The following TIMP3 variants were observed in gnomAD, a reference collection of about 807,000 sequenced individuals.
TIMP3 encodes the protein TIMP metallopeptidase inhibitor 3, also known as metalloproteinase inhibitor 3.
In TIMP3, 11 loss-of-function variants were observed where a neutral mutation model predicts 30.0. The ratio of observed to expected loss-of-function variants is 0.37; its 90% CI spans 0.23 to 0.61. TIMP3 has a LOEUF of 0.61. Ranked by LOEUF, TIMP3 falls within the 20% of genes least tolerant of loss-of-function variation. The pLI is 0.70. For missense variants in TIMP3, 181 were observed against 276.8 expected, an observed-to-expected ratio of 0.65 and a Z score of 2.45; for synonymous variants, 112 against 111.3, an observed-to-expected ratio of 1.01 and a Z score of -0.04.
At position 32,801,927 on chromosome 22, in the gene TIMP3, G is replaced by A. The variant is rs1459113400; in HGVS notation, c.-75G>A. Reference sequence around the variant, plus strand: ...GGCGGGCGAGCGAGCTCGGGCTGCAGCAGCCCCGCCGGCGGCGCGCACGGC... The same window carrying A: ...GGCGGGCGAGCGAGCTCGGGCTGCAACAGCCCCGCCGGCGGCGCGCACGGC... On this transcript the variant is annotated 5_prime_UTR_variant, in exon 1 of 5. Transcript: ENST00000266085. The surrounding 1 kb of genome is among the most constrained non-coding windows in gnomAD (Gnocchi z 4.7). 8 of 1,503,316 alleles carry A rather than the reference G, an allele frequency of 5.3e-6. No homozygotes were observed. The highest frequency in any genetic ancestry group is 1.4e-5 in the African/African-American group (1 of 69,428). The allele number at this position is 1,503,316 out of a possible 1,614,324, so 93.1% of individuals were successfully genotyped here. A position where few individuals can be genotyped will look rare whatever the true frequency, so the allele number is the denominator to read the frequency against.
chr22:32,858,768 C>A (rs907688934), intron 4 of TIMP3, among the ~76,000 whole-genome samples: 38 of 152,124 alleles, frequency 2.5e-4, no homozygotes, highest in African/African-American at 8.7e-4. Flanking sequence ...TCCCACAGTT[C>A]ACTGAATCTG....
chr22:32,848,434 A>T (rs5754312), intron 1 of TIMP3, among the ~76,000 whole-genome samples: 78,584 of 152,000 alleles, frequency 0.52, 21,353 homozygotes, highest in African/African-American at 0.69. Flanking sequence ...TTGGTCTGTT[A>T]CCTTATCTAG....
intron 4 of TIMP3, among the ~76,000 whole-genome samples, chr22:32,858,562 A>G (rs1013870317): frequency 2.0e-5 from 3 of 152,190 alleles, no homozygotes; most frequent in East Asian, 1.9e-4. Context: ...TGCAGAGACC[A>G]GATGCTACAG....
rs367652593 is a variant in TIMP3 at position 32,859,431 on chromosome 22, G to T, written c.*54G>T. On this transcript the variant is annotated 3_prime_UTR_variant, in exon 5 of 5. Transcript: ENST00000266085. ...CTCCCTTCCCGCTGAGCTTCCCTTG[G>T]ACACTAACTCTTCCCAGATGATGAC... 1.9e-5 allele frequency: 30 copies of T among 1,565,844 alleles called. No individual in the cohort carries two copies. Among genetic ancestry groups the T allele is most frequent in the East Asian group, 4.6e-5 (2 of 43,260 alleles).
chr22:32,846,885 C>A (rs915052500), intron 1 of TIMP3, among the ~76,000 whole-genome samples: 1 of 152,146 alleles, frequency 6.6e-6, no homozygotes, highest in African/African-American at 2.4e-5. Context: ...ACTGAACTAT[C>A]CTCAGATGAA....
chr22:32,820,243 T>A (rs2047199346), intron 1 of TIMP3, among the ~76,000 whole-genome samples: 1 of 57,734 alleles, frequency 1.7e-5, no homozygotes, highest in Admixed American at 1.3e-4. Context: ...CTTTCTCCCC[T>A]GTGTGTGTGT....
intron 1 of TIMP3, among the ~76,000 whole-genome samples, chr22:32,808,082 G>C (rs1322574020): frequency 1.3e-5 from 2 of 152,218 alleles, no homozygotes; most frequent in Non-Finnish European, 2.9e-5. Context: ...TGCCAGGAAA[G>C]CTGTGACCCT....
At chr22:32,820,479 AGCCGTAACTCCCCGGCACCTGGCTGGTT>A (rs1476163548) in intron 1 of TIMP3, among the ~76,000 whole-genome samples, 17 of 152,164 alleles carry the variant, frequency 1.1e-4, no homozygotes, top group African/African-American at 4.1e-4. Flanking sequence ...TGCACCTGAA[AGCCGTAACTCCCCGGCACCTGGCTGGTT>A]GACTTCTTCC....
At chr22:32,810,554 G>C (rs1358244350) in intron 1 of TIMP3, among the ~76,000 whole-genome samples, 1 of 151,908 alleles carries the variant, frequency 6.6e-6, no homozygotes, top group Non-Finnish European at 1.5e-5. Context: ...GTGGAGAGGG[G>C]AAGTCCTGAG....
At chr22:32,812,784 C>T (rs1209288390) in intron 1 of TIMP3, among the ~76,000 whole-genome samples, 2 of 152,184 alleles carry the variant, frequency 1.3e-5, no homozygotes, top group Admixed American at 6.5e-5. Flanking sequence ...TTAGATCAAA[C>T]GTGTGCCCCA....
chr22:32,816,707 T>C (rs2047095495), intron 1 of TIMP3, among the ~76,000 whole-genome samples: 1 of 152,170 alleles, frequency 6.6e-6, no homozygotes, highest in African/African-American at 2.4e-5. Flanking sequence ...CCATCAGACT[T>C]GGATCATCCT....
At chr22:32,844,302 C>T (rs542481046) in intron 1 of TIMP3, among the ~76,000 whole-genome samples, 6 of 152,284 alleles carry the variant, frequency 3.9e-5, no homozygotes, top group African/African-American at 9.6e-5. Context: ...TTTCTGGAGA[C>T]ACACCAGTAA....
At chr22:32,840,974 G>T (rs780597054) in intron 1 of TIMP3, among the ~76,000 whole-genome samples, 2 of 152,182 alleles carry the variant, frequency 1.3e-5, no homozygotes, top group Non-Finnish European at 2.9e-5. Flanking sequence ...CTGAAGAGTT[G>T]TGTATCTGAC....
At chr22:32,821,523 A>G (rs2047245995) in intron 1 of TIMP3, among the ~76,000 whole-genome samples, 1 of 152,220 alleles carries the variant, frequency 6.6e-6, no homozygotes, top group South Asian at 2.1e-4. Flanking sequence ...GACCTGGTTA[A>G]CAGACAGGGA....
intron 2 of TIMP3, among the ~76,000 whole-genome samples, chr22:32,854,131 A>G (rs998744358): frequency 5.9e-5 from 9 of 152,356 alleles, no homozygotes; most frequent in East Asian, 5.8e-4. Context: ...TTTAGAATCA[A>G]TATTTAAATC....
rs142539790 is a variant in TIMP3 at position 32,817,101 on chromosome 22, C to T, written c.121+14979C>T. On this transcript the variant is annotated intron_variant, in intron 1 of 4. Coordinates refer to ENST00000266085, the MANE Select transcript of TIMP3 (RefSeq NM_000362.5). ...AGAAAAGGTGGTTGGGCCTGTAGTCCCAGTTACTCTTGAGGCTTAGGTGGG... is the reference window on the plus strand; with the variant it reads ...AGAAAAGGTGGTTGGGCCTGTAGTCTCAGTTACTCTTGAGGCTTAGGTGGG... 8.5e-3 allele frequency among the ~76,000 whole-genome samples: 1,288 copies of T among 151,988 alleles called. 20 individuals are homozygous for T. Among genetic ancestry groups the T allele is most frequent in the African/African-American group, 0.029 (1,217 of 41,422 alleles).
At chr22:32,805,665 A>G (rs575566514) in intron 1 of TIMP3, among the ~76,000 whole-genome samples, 4 of 139,880 alleles carry the variant, frequency 2.9e-5, no homozygotes, top group African/African-American at 1.1e-4. Context: ...TAGGTATTGC[A>G]CCCATTTTTC....
chr22:32,807,962 A>G (rs1335089729), intron 1 of TIMP3, among the ~76,000 whole-genome samples: 1 of 152,114 alleles, frequency 6.6e-6, no homozygotes, highest in Non-Finnish European at 1.5e-5. Flanking sequence ...ATTTTTATTG[A>G]CTTACTGAGT....
At chr22:32,824,152 T>G (rs2047335555) in intron 1 of TIMP3, among the ~76,000 whole-genome samples, 1 of 151,744 alleles carries the variant, frequency 6.6e-6, no homozygotes, top group Admixed American at 6.6e-5. Flanking sequence ...GTGGCGCACA[T>G]CTGAAGTCCC....
Sources: allele counts gnomAD v4.1 joint callset (sites outside exome capture counted in the v4.1 genomes callset), GRCh38; gene constraint gnomAD v4.1.1; non-coding constraint Gnocchi (gnomAD v3.1); transcripts MANE v1.5; gene names NCBI Gene and HGNC (gene_info 2026-07-23, HGNC 2026-07-21).